PTPRO: variants seen among roughly 807,000 people sequenced by gnomAD.
PTPRO encodes the protein receptor-type tyrosine-protein phosphatase O.
A neutral mutation model predicts 145.2 loss-of-function variants in PTPRO; 62 were observed. That is an observed-to-expected ratio of 0.43 (90% CI 0.35 to 0.53). The LOEUF is 0.53. Among genes scored for constraint, PTPRO ranks in the 20% least tolerant of loss-of-function variants. The pLI is 0.01. For synonymous variants in PTPRO, 565 were observed against 514.7 expected (o/e 1.10, Z -1.32); for missense variants, 1,345 against 1,482.7 (o/e 0.91, Z 1.53).
chr12:15,396,061 A>G (rs1443864948), intron 1 of PTPRO, among the ~76,000 whole-genome samples: 2 of 152,332 alleles, frequency 1.3e-5, no homozygotes, highest in East Asian at 3.9e-4. Context: ...CTGTGTGTGT[A>G]GTACACTGTT....
chr12:15,517,679 C>T lies in PTPRO; in HGVS notation c.1779+723C>T, dbSNP rs574063483. On this transcript the variant is annotated intron_variant, in intron 9 of 26. Transcript: ENST00000281171. ...GGAAACATTGACCAAAACAAAGAGGCTACAGGCCCCATGCAACTCCAAAAT... is the reference window on the plus strand; with the variant it reads ...GGAAACATTGACCAAAACAAAGAGGTTACAGGCCCCATGCAACTCCAAAAT... Among the ~76,000 whole-genome samples, 3 of 152,310 alleles carry T rather than the reference C, an allele frequency of 2.0e-5. No individual in the cohort carries two copies. In the South Asian group the frequency reaches 6.2e-4, roughly 32 times the overall value.
At chr12:15,421,096 A>G (rs1008785112) in intron 1 of PTPRO, among the ~76,000 whole-genome samples, 1 of 152,184 alleles carries the variant, frequency 6.6e-6, no homozygotes, top group Non-Finnish European at 1.5e-5. Flanking sequence ...TTTTTCATTA[A>G]TGTAGTATTT....
chr12:15,348,456 G>A (rs182600267), intron 1 of PTPRO: 1 of 152,074 alleles, frequency 6.6e-6, no homozygotes, highest in East Asian at 1.9e-4. Flanking sequence ...AACAGTGAAG[G>A]AGTTAAAAAA....
rs562287194 is a variant in PTPRO at position 15,526,336 on chromosome 12, C to T, written c.2164+74C>T. On this transcript the variant is annotated intron_variant, in intron 12 of 26. Transcript: ENST00000281171. ...ATCATTCGATTCAGCAAGAGCTCCT[C>T]AATTCAATGAAATAATAACAGAAAA... 4.4e-6 allele frequency: 7 copies of T among 1,575,086 alleles called. No homozygotes were observed. In the South Asian group the frequency reaches 6.7e-5, roughly 15 times the overall value.
At chr12:15,537,186 A>G (rs561370620) in intron 12 of PTPRO, among the ~76,000 whole-genome samples, 1 of 152,344 alleles carries the variant, frequency 6.6e-6, no homozygotes, top group South Asian at 2.1e-4. Flanking sequence ...ACCATTAAAT[A>G]AATACTGAGC....
intron 1 of PTPRO, among the ~76,000 whole-genome samples, chr12:15,419,964 G>A (rs1940091228): frequency 6.6e-6 from 1 of 151,214 alleles, no homozygotes; most frequent in African/African-American, 2.5e-5. Flanking sequence ...TGGCTGACAC[G>A]GTGAAACCCC....
At chr12:15,540,010 A>G (rs533060137) in intron 12 of PTPRO, among the ~76,000 whole-genome samples, 2 of 152,150 alleles carry the variant, frequency 1.3e-5, no homozygotes, top group South Asian at 4.2e-4. Context: ...CAACAAGACA[A>G]GGTCTAATAA....
chr12:15,520,420 AGC>A (rs2136514234), intron 10 of PTPRO, 108 bp downstream of exon 10: 1 of 775,206 alleles, frequency 1.3e-6, no homozygotes, highest in Non-Finnish European at 2.3e-6. Context: ...GCACTGGGTG[AGC>A]ATCAATTTCA....
At chr12:15,359,482 T>C (rs1938107129) in intron 1 of PTPRO, among the ~76,000 whole-genome samples, 1 of 146,498 alleles carries the variant, frequency 6.8e-6, no homozygotes, top group South Asian at 2.2e-4. Context: ...TGGAGTGCAG[T>C]GGCGTGATCT....
At chr12:15,544,301 G>A (rs570650648) in intron 12 of PTPRO, among the ~76,000 whole-genome samples, 6 of 151,886 alleles carry the variant, frequency 4.0e-5, no homozygotes, top group African/African-American at 9.7e-5. Flanking sequence ...TCAGGAGATC[G>A]AGACCATCCT....
intron 1 of PTPRO, among the ~76,000 whole-genome samples, chr12:15,388,636 T>G (rs1939098158): frequency 6.6e-6 from 1 of 152,204 alleles, no homozygotes; most frequent in Non-Finnish European, 1.5e-5. Flanking sequence ...ATTTTTTATT[T>G]TAGGAGGATA....
At chr12:15,423,388 A>G (rs576102985) in intron 1 of PTPRO, among the ~76,000 whole-genome samples, 1 of 152,346 alleles carries the variant, frequency 6.6e-6, no homozygotes, top group South Asian at 2.1e-4. Flanking sequence ...CTGGTAAAAT[A>G]TAAGATGGTT....
intron 1 of PTPRO, among the ~76,000 whole-genome samples, chr12:15,436,682 T>C (rs551353241): frequency 1.2e-4 from 19 of 152,362 alleles, no homozygotes; most frequent in Admixed American, 5.2e-4. Context: ...TAGGATGCCA[T>C]TTTAAATCTG....
In PTPRO at chr12:15,371,878, C is replaced by T. The variant is rs146806297; in HGVS notation, c.75+49077C>T. 1.6e-3 allele frequency among the ~76,000 whole-genome samples: 251 copies of T among 152,122 alleles called. 2 individuals carry two copies. Among genetic ancestry groups the T allele is most frequent in the African/African-American group, 5.6e-3 (234 of 41,480 alleles). ...TTCACTCGGCACTTCTCCTCCTGGC[C>T]GCCTTGTGAAGAAGGTGCCTTATTT... On this transcript the variant is annotated intron_variant, in intron 1 of 26. Transcript: ENST00000281171.
chr12:15,327,183 CCAAT>C (rs1866469300), intron 1 of PTPRO, among the ~76,000 whole-genome samples: 1 of 152,046 alleles, frequency 6.6e-6, no homozygotes, highest in Non-Finnish European at 1.5e-5. Context: ...AAAAATTTTA[CCAAT>C]CACTTATATT....
intron 2 of PTPRO, among the ~76,000 whole-genome samples, chr12:15,487,898 T>C (rs2136446339): frequency 6.6e-6 from 1 of 152,358 alleles, no homozygotes; most frequent in Middle Eastern, 3.4e-3. Context: ...TTGCATCCAT[T>C]TAGACCATAC....
intron 1 of PTPRO, among the ~76,000 whole-genome samples, chr12:15,397,998 C>G (rs1306195201): frequency 6.6e-6 from 1 of 152,032 alleles, no homozygotes; most frequent in South Asian, 2.1e-4. Flanking sequence ...GGAATAAACC[C>G]CAAGTCAAAA....
At chr12:15,498,418 C>T (rs529114457) in intron 3 of PTPRO, among the ~76,000 whole-genome samples, 2 of 152,064 alleles carry the variant, frequency 1.3e-5, no homozygotes, top group South Asian at 2.1e-4. Flanking sequence ...TCTAGCCGGG[C>T]GTGGTGGCGG....
intron 1 of PTPRO, among the ~76,000 whole-genome samples, chr12:15,376,032 AC>A: frequency 6.6e-6 from 1 of 152,294 alleles, no homozygotes; most frequent in African/African-American, 2.4e-5. Context: ...ATATCAACAT[AC>A]ACATTATGTG....
Sources: gnomAD v4.1 joint callset for allele counts (sites outside exome capture counted in the v4.1 genomes callset) on GRCh38, gnomAD v4.1.1 for gene constraint, MANE v1.5 for transcripts, NCBI Gene and HGNC (gene_info 2026-07-23, HGNC 2026-07-21) for gene names.